FGF13: variants seen among roughly 807,000 people sequenced by gnomAD.
FGF13 encodes the protein fibroblast growth factor homologous factor 2.
In FGF13, 2 loss-of-function variants were observed where a neutral mutation model predicts 19.5. That is an observed-to-expected ratio of 0.10 (90% CI 0.04 to 0.32). FGF13 has a LOEUF of 0.32. FGF13 is among the 10% of genes least tolerant of loss of function. The probability of loss-of-function intolerance (pLI) is 1.00; values close to 1 mark genes in which losing one functional copy is unlikely to be tolerated. For synonymous variants in FGF13, 72 were observed against 76.9 expected (o/e 0.94, Z 0.33); for missense variants, 113 against 192.7 (o/e 0.59, Z 2.45).
At chrX:139,061,556 C>T (rs1249286036) in intron 1 of FGF13, among the ~76,000 whole-genome samples, 1 of 111,289 alleles carries the variant, frequency 9.0e-6, no homozygotes, top group Non-Finnish European at 1.9e-5. Flanking sequence ...TCATTAGATG[C>T]AGCCCACCTA....
intron 1 of FGF13, among the ~76,000 whole-genome samples, chrX:138,902,303 C>T (rs1472082155): frequency 8.9e-6 from 1 of 112,059 alleles, no homozygotes; most frequent in Non-Finnish European, 1.9e-5. Context: ...ATAAATGTTG[C>T]ACCCATTTTG....
intron 1 of FGF13, among the ~76,000 whole-genome samples, chrX:139,134,986 T>C (rs755602675): frequency 1.8e-5 from 2 of 111,610 alleles, no homozygotes; most frequent in Admixed American, 9.5e-5. Context: ...TCCTTTTAAC[T>C]GGGCAGAACC....
intron 1 of FGF13, among the ~76,000 whole-genome samples, chrX:138,980,455 A>G (rs1479806802): frequency 8.9e-6 from 1 of 111,956 alleles, no homozygotes; most frequent in Non-Finnish European, 1.9e-5. Flanking sequence ...TAATAATTTC[A>G]TGTTGTCTTT....
chrX:138,768,605 C>T (rs2090518718), intron 3 of FGF13, among the ~76,000 whole-genome samples: 1 of 107,228 alleles, frequency 9.3e-6, no homozygotes, highest in Admixed American at 1.0e-4. Flanking sequence ...ACTACAAGGA[C>T]TATGCAATGA....
chrX:138,639,547 A>G (rs1411136518), intron 3 of FGF13, among the ~76,000 whole-genome samples: 2 of 112,476 alleles, frequency 1.8e-5, no homozygotes, highest in Admixed American at 9.4e-5. Context: ...CTCTTAAAAG[A>G]AATGTATGTT....
At chrX:139,088,031 T>G (rs949013804) in intron 1 of FGF13, among the ~76,000 whole-genome samples, 1 of 111,871 alleles carries the variant, frequency 8.9e-6, no homozygotes, top group African/African-American at 3.3e-5. Flanking sequence ...AACACCTTGT[T>G]AAGTTTCATG....
intron 1 of FGF13, among the ~76,000 whole-genome samples, chrX:139,193,712 AT>A (rs1054596770): frequency 2.7e-5 from 3 of 111,485 alleles, no homozygotes; most frequent in African/African-American, 9.8e-5. Context: ...TTTGAAGACA[AT>A]CAATAAGTAA....
intron 3 of FGF13, among the ~76,000 whole-genome samples, chrX:138,811,585 A>C: frequency 9.0e-6 from 1 of 110,908 alleles, no homozygotes; most frequent in East Asian, 2.8e-4. Context: ...CCTAGAATTT[A>C]AAGTATAATA....
At chrX:139,033,566 A>G (rs1160800393) in intron 1 of FGF13, among the ~76,000 whole-genome samples, 1 of 112,113 alleles carries the variant, frequency 8.9e-6, no homozygotes, top group Non-Finnish European at 1.9e-5. Context: ...TTTTTACTAC[A>G]AATTCAGAGC....
intron 3 of FGF13, among the ~76,000 whole-genome samples, chrX:138,765,246 G>A (rs950199819): frequency 4.5e-5 from 5 of 112,100 alleles, no homozygotes; most frequent in Non-Finnish European, 9.4e-5. Context: ...GCATGCAGCT[G>A]TGATTATTAT....
intron 1 of FGF13, among the ~76,000 whole-genome samples, chrX:139,098,705 G>A (rs920328632): frequency 3.6e-5 from 4 of 111,009 alleles, no homozygotes; most frequent in Non-Finnish European, 7.5e-5. Flanking sequence ...ACAGAGATGG[G>A]AACAATAGGC....
At chrX:139,057,381 T>C (rs1369259630) in intron 1 of FGF13, among the ~76,000 whole-genome samples, 1 of 108,951 alleles carries the variant, frequency 9.2e-6, no homozygotes, top group African/African-American at 3.3e-5. Flanking sequence ...CCATACGGAG[T>C]GTTGGCAAGG....
intron 3 of FGF13, among the ~76,000 whole-genome samples, chrX:138,801,788 G>A (rs185097340): frequency 8.9e-6 from 1 of 112,410 alleles, no homozygotes; most frequent in African/African-American, 3.2e-5. Context: ...TGCCTAGTGA[G>A]GAGGAATCTA....
At chrX:138,756,508 G>T (rs896180247) in intron 3 of FGF13, among the ~76,000 whole-genome samples, 15 of 112,675 alleles carry the variant, frequency 1.3e-4, no homozygotes, top group African/African-American at 4.8e-4. Flanking sequence ...CTGCCTTTCT[G>T]CTTTTTTCCA....
chrX:139,102,238 A>T (rs2083520331), intron 1 of FGF13, among the ~76,000 whole-genome samples: 1 of 111,935 alleles, frequency 8.9e-6, no homozygotes, highest in East Asian at 2.8e-4. Flanking sequence ...TAATTTTAAC[A>T]TCCCTGCTTT....
At chrX:138,919,236 A>T in intron 1 of FGF13, among the ~76,000 whole-genome samples, 1 of 112,004 alleles carries the variant, frequency 8.9e-6, no homozygotes, top group Non-Finnish European at 1.9e-5. Flanking sequence ...CTAATAATTT[A>T]AAAAAGAACT....
At chrX:139,073,042 T>C (rs1418939002) in intron 1 of FGF13, among the ~76,000 whole-genome samples, 6 of 111,484 alleles carry the variant, frequency 5.4e-5, no homozygotes, top group Admixed American at 9.6e-5. Context: ...GTATACTTTC[T>C]CTCATTAGCA....
chrX:138,784,017 G>T (rs1374453278), intron 3 of FGF13, among the ~76,000 whole-genome samples: 1 of 99,677 alleles, frequency 1.0e-5, no homozygotes, highest in Non-Finnish European at 2.0e-5. Flanking sequence ...CCTTTGTAGG[G>T]ACATGGATGA....
At chrX:138,875,882 T>C (rs1397938081) in intron 1 of FGF13, among the ~76,000 whole-genome samples, 1 of 111,548 alleles carries the variant, frequency 9.0e-6, no homozygotes, top group African/African-American at 3.3e-5. Flanking sequence ...GGATTAGATA[T>C]ATAAATCAGC....
Sources: gnomAD v4.1 joint callset for allele counts (sites outside exome capture counted in the v4.1 genomes callset) on GRCh38, gnomAD v4.1.1 for gene constraint, MANE v1.5 for transcripts, NCBI Gene and HGNC (gene_info 2026-07-23, HGNC 2026-07-21) for gene names.